VCL: variants seen among roughly 807,000 people sequenced by gnomAD.
VCL encodes vinculin.
Under a neutral mutation model 125.7 loss-of-function variants are expected in VCL, and 47 were observed. The observed-to-expected ratio is 0.37, with a 90% CI of 0.30 to 0.48. The LOEUF (loss-of-function observed/expected upper bound fraction) is 0.48, where lower values mean the gene tolerates loss of function less well. Ranked by LOEUF, VCL falls within the 20% of genes least tolerant of loss-of-function variation. VCL has a pLI of 0.99. For missense variants in VCL, 1,069 were observed against 1,455.5 expected, an observed-to-expected ratio of 0.73 and a Z score of 4.32; for synonymous variants, 458 against 514.6, an observed-to-expected ratio of 0.89 and a Z score of 1.49.
chr10:74,063,150 A>T (rs1314760383), intron 2 of VCL, among the ~76,000 whole-genome samples: 1 of 152,228 alleles, frequency 6.6e-6, no homozygotes, highest in Non-Finnish European at 1.5e-5. Flanking sequence ...TCTCATCCTC[A>T]GCCTCCTAAA....
Position 74,097,292 on chromosome 10 carries a change from T to C in VCL, c.1832T>C (p.Val611Ala). Reference protein sequence around the residue: ...DTTTPIKLLAVAATAPPDAPN... With the variant: ...DTTTPIKLLAAAATAPPDAPN... Reference sequence around the variant, plus strand: ...ACAACTCCCATCAAGCTGTTGGCAGTGGCAGCCACGGCGCCTCCTGATGCG... The same window carrying C: ...ACAACTCCCATCAAGCTGTTGGCAGCGGCAGCCACGGCGCCTCCTGATGCG... Residue 611 changes from valine (V) to alanine (A), a missense_variant, in exon 13 of 22, where the codon GTG becomes GCG. Transcript: ENST00000211998. The surrounding 1 kb of genome is among the most constrained non-coding windows in gnomAD (Gnocchi z 4.1). 2 of 1,614,022 alleles carry C rather than the reference T, an allele frequency of 1.2e-6. No individual in the cohort carries two copies. The highest frequency in any genetic ancestry group is 1.7e-6 in the Non-Finnish European group (2 of 1,179,958).
At chr10:74,047,740 TATG>T (rs1277622067) in intron 2 of VCL, among the ~76,000 whole-genome samples, 1 of 152,214 alleles carries the variant, frequency 6.6e-6, no homozygotes, top group Non-Finnish European at 1.5e-5. Context: ...CAGGGAAAGA[TATG>T]ATACTTTTAG....
In VCL at chr10:74,071,704, T is replaced by A. The variant is rs1414556725; in HGVS notation, c.499+621T>A. Among the ~76,000 whole-genome samples, 1 of 152,232 alleles carries A rather than the reference T, an allele frequency of 6.6e-6. No homozygotes were observed. Among genetic ancestry groups the A allele is most frequent in the African/African-American group, 2.4e-5 (1 of 41,470 alleles). On this transcript the variant is annotated intron_variant, in intron 4 of 21. Transcript: ENST00000211998. This position sits in a 1 kb window ranked among gnomAD's most constrained non-coding sequence, Gnocchi z 4.1. ...GACCAATGACAAGATATGTTAGATG[T>A]TTAACCTGCTTAACTTGATTGTTAT...
rs1840048709 is a variant in VCL at position 74,101,190 on chromosome 10, G to C, written c.2022+93G>C. ...ATTTTTGAATACTTACCGTAAGATG[G>C]CATAAAAAAACATATACAGGCCAGC... On this transcript the variant is annotated intron_variant, in intron 14 of 21. Coordinates refer to ENST00000211998, the MANE Select transcript of VCL (RefSeq NM_014000.3). The C allele has an allele frequency of 4.6e-6, 7 of 1,524,724 alleles. No homozygotes were observed. The East Asian group carries it at 1.7e-4, about 37-fold the overall frequency. 94.4% of individuals were successfully genotyped at this position (1,524,724 alleles called of 1,614,324 possible).
intron 10 of VCL, among the ~76,000 whole-genome samples, chr10:74,090,461 C>A (rs1303682687): frequency 6.6e-6 from 1 of 152,120 alleles, no homozygotes; most frequent in African/African-American, 2.4e-5. Context: ...GCTAAGAACT[C>A]CTTTTTTGAG....
In VCL at chr10:74,083,859, T is replaced by TTTTG. The variant is rs201437076; in HGVS notation, c.1022+371_1022+374dup. Among the ~76,000 whole-genome samples the TTTTG allele has an allele frequency of 1.5e-3, 227 of 150,638 alleles. 1 individual carries two copies. Among genetic ancestry groups the TTTTG allele is most frequent in the Admixed American group, 5.2e-3 (79 of 15,190 alleles). ...GGCGCCCGCCATCACACCTGGCTAATTTTGTTTGTTTGTTTGTTTGTTTGT... is the reference window on the plus strand; with the variant it reads ...GGCGCCCGCCATCACACCTGGCTAATTTTGTTTGTTTGTTTGTTTGTTTGTTTGT... On this transcript the variant is annotated intron_variant, in intron 8 of 21. Transcript: ENST00000211998.
intron 2 of VCL, among the ~76,000 whole-genome samples, chr10:74,053,259 A>G (rs1291217048): frequency 2.6e-5 from 4 of 152,114 alleles, no homozygotes; most frequent in African/African-American, 9.7e-5. Flanking sequence ...TTGTTTTATT[A>G]TCTAAATCAG....
chr10:74,085,367 C>A (rs543456642), intron 8 of VCL, among the ~76,000 whole-genome samples: 1 of 152,256 alleles, frequency 6.6e-6, no homozygotes, highest in South Asian at 2.1e-4. Context: ...GAGAAAGAAA[C>A]ATAGCGTGAA....
chr10:74,011,225 G>C (rs144347600), intron 1 of VCL, among the ~76,000 whole-genome samples: 16 of 145,440 alleles, frequency 1.1e-4, no homozygotes, highest in African/African-American at 3.1e-4. Flanking sequence ...ATTAAATTAA[G>C]TATGTGCATT....
At chr10:74,026,005 A>G (rs1408307111) in intron 1 of VCL, among the ~76,000 whole-genome samples, 2 of 152,214 alleles carry the variant, frequency 1.3e-5, no homozygotes, top group African/African-American at 4.8e-5. Flanking sequence ...TCTGATTTAC[A>G]TAGGGCCCAA....
intron 3 of VCL, 33 bp from the exon 4 acceptor site, chr10:74,070,942 C>A: frequency 6.2e-7 from 1 of 1,612,224 alleles, no homozygotes; most frequent in Non-Finnish European, 8.5e-7. Flanking sequence ...GTTGTCCACC[C>A]ATGTGATTGA....
chr10:74,029,898 G>T (rs984249919), intron 1 of VCL, among the ~76,000 whole-genome samples: 1 of 152,110 alleles, frequency 6.6e-6, no homozygotes, highest in Non-Finnish European at 1.5e-5. Flanking sequence ...GGATTAAGAA[G>T]AAAATAAAAA....
chr10:74,029,551 A>G (rs980354248), intron 1 of VCL, among the ~76,000 whole-genome samples: 1 of 152,192 alleles, frequency 6.6e-6, no homozygotes, highest in Non-Finnish European at 1.5e-5. Context: ...ACTGAGTCTC[A>G]TATTGGGTTA....
intron 2 of VCL, among the ~76,000 whole-genome samples, chr10:74,055,824 A>G (rs905247847): frequency 6.6e-6 from 1 of 152,194 alleles, no homozygotes; most frequent in African/African-American, 2.4e-5. Flanking sequence ...AGGAGGTAGC[A>G]GAGTTCTTGA....
chr10:74,072,208 T>C (rs959501321), intron 4 of VCL, among the ~76,000 whole-genome samples: 1 of 152,216 alleles, frequency 6.6e-6, no homozygotes, highest in African/African-American at 2.4e-5. Context: ...ATTTTTATAA[T>C]ATTTCTATTT....
intron 18 of VCL, 117 bp from the exon 19 acceptor site, chr10:74,111,792 T>C (rs1255378536): frequency 1.5e-6 from 2 of 1,335,378 alleles, no homozygotes; most frequent in East Asian, 2.5e-5. Flanking sequence ...AGAGAACATG[T>C]TTCTTTCTCA....
chr10:74,002,190 A>G (rs532523695), intron 1 of VCL, among the ~76,000 whole-genome samples: 1 of 152,266 alleles, frequency 6.6e-6, no homozygotes, highest in Admixed American at 6.5e-5. Context: ...CAGTGGCATG[A>G]TCTTGGCTCA....
At chr10:74,088,285 A>G (rs184698901) in intron 8 of VCL, among the ~76,000 whole-genome samples, 1 of 152,186 alleles carries the variant, frequency 6.6e-6, no homozygotes, top group Non-Finnish European at 1.5e-5. Context: ...ATAGAGAAAC[A>G]AGTTTCCATG....
chr10:74,066,022 A>C (rs1448719518), intron 2 of VCL, among the ~76,000 whole-genome samples: 1 of 149,942 alleles, frequency 6.7e-6, no homozygotes, highest in East Asian at 1.9e-4. Context: ...CATCCAGCAG[A>C]GGTAGAATGG....
Sources: gnomAD v4.1 joint callset for allele counts (sites outside exome capture counted in the v4.1 genomes callset) on GRCh38, gnomAD v4.1.1 for gene constraint, Gnocchi (gnomAD v3.1) non-coding constraint, MANE v1.5 for transcripts, NCBI Gene and HGNC (gene_info 2026-07-23, HGNC 2026-07-21) for gene names.